Variants in UBAC2 observed in about 807,000 individuals in gnomAD.
UBAC2 encodes the protein ubiquitin-associated domain-containing protein 2.
In UBAC2, 26 loss-of-function variants were observed where a neutral mutation model predicts 44.0. The ratio of observed to expected loss-of-function variants is 0.59; its 90% confidence interval spans 0.43 to 0.82. UBAC2 has a LOEUF of 0.82. UBAC2 is among the 40% of genes least tolerant of loss of function. The probability of loss-of-function intolerance (pLI) is 0.00; values close to 1 mark genes in which losing one functional copy is unlikely to be tolerated. For missense variants in UBAC2, 329 were observed against 419.4 expected (o/e 0.78, Z 1.88); for synonymous variants, 155 against 154.3 (o/e 1.00, Z -0.04).
chr13:99,201,500 G>A (rs756114358), intron 1 of UBAC2: 1 of 1,614,222 alleles, frequency 6.2e-7, no homozygotes. Flanking sequence ...TTAGGAAGTC[G>A]TGGCGAGGGA....
intron 5 of UBAC2, among the ~76,000 whole-genome samples, 162 bp from the exon 6 acceptor site, chr13:99,317,860 G>A (rs1357695828): frequency 6.6e-6 from 1 of 152,014 alleles, no homozygotes; most frequent in South Asian, 2.1e-4. Context: ...TTTCTTTTAA[G>A]TAACAGTTGA....
chr13:99,382,814 C>A (rs1040082784), intron 8 of UBAC2, among the ~76,000 whole-genome samples: 1 of 152,088 alleles, frequency 6.6e-6, no homozygotes, highest in African/African-American at 2.4e-5. Flanking sequence ...CCCCAAGACC[C>A]ACCAGGGGAA....
intron 4 of UBAC2, among the ~76,000 whole-genome samples, chr13:99,282,446 A>C (rs2043966228): frequency 6.6e-6 from 1 of 152,108 alleles, no homozygotes; most frequent in Non-Finnish European, 1.5e-5. Context: ...ATCTGTTTTC[A>C]TTTCTGCTTT....
At chr13:99,315,776 A>C (rs954390531) in intron 5 of UBAC2, among the ~76,000 whole-genome samples, 1 of 152,006 alleles carries the variant, frequency 6.6e-6, no homozygotes, top group Admixed American at 6.6e-5. Context: ...AGCTACCACT[A>C]TTCATTTTTC....
intron 4 of UBAC2, among the ~76,000 whole-genome samples, chr13:99,282,377 T>C (rs1411737532): frequency 6.6e-6 from 1 of 152,204 alleles, no homozygotes; most frequent in African/African-American, 2.4e-5. Context: ...TTTCTAGTAG[T>C]TGACTGAAAT....
At chr13:99,348,733 G>A (rs2045031477) in intron 7 of UBAC2, among the ~76,000 whole-genome samples, 1 of 152,236 alleles carries the variant, frequency 6.6e-6, no homozygotes, top group Non-Finnish European at 1.5e-5. Flanking sequence ...ACGGTAGGCT[G>A]GCCACAGTGG....
chr13:99,287,073 T>C (rs1435184891), intron 4 of UBAC2, among the ~76,000 whole-genome samples: 7 of 152,204 alleles, frequency 4.6e-5, no homozygotes, highest in African/African-American at 1.7e-4. Context: ...ATGACTACCA[T>C]GTACCCATCA....
chr13:99,349,882 G>T (rs199681759), intron 7 of UBAC2, among the ~76,000 whole-genome samples: 1 of 150,366 alleles, frequency 6.7e-6, no homozygotes, highest in Non-Finnish European at 1.5e-5. Context: ...CCACAAGAAG[G>T]TGGTGGAGCA....
intron 1 of UBAC2, chr13:99,201,193 C>T: frequency 1.4e-6 from 2 of 1,420,232 alleles, no homozygotes; most frequent in Non-Finnish European, 9.2e-7. Context: ...AGGTGCTCTG[C>T]CCAGGAGTCT....
At chr13:99,348,667 A>G (rs1455574642) in intron 7 of UBAC2, among the ~76,000 whole-genome samples, 1 of 152,200 alleles carries the variant, frequency 6.6e-6, no homozygotes, top group Non-Finnish European at 1.5e-5. Flanking sequence ...AGTAAGTTAG[A>G]TTTATTTTTA....
chr13:99,330,201 C>A (rs2044695305), intron 6 of UBAC2, among the ~76,000 whole-genome samples: 1 of 151,960 alleles, frequency 6.6e-6, no homozygotes, highest in Non-Finnish European at 1.5e-5. Flanking sequence ...TGGCTCACAG[C>A]TGTAATCCCA....
chr13:99,342,111 G>A (rs189382114), intron 7 of UBAC2, among the ~76,000 whole-genome samples: 7 of 152,304 alleles, frequency 4.6e-5, no homozygotes, highest in African/African-American at 9.6e-5. Flanking sequence ...AGAGAACACC[G>A]TCAGCATCAG....
intron 4 of UBAC2, chr13:99,258,150 T>C (rs2043600405): frequency 6.6e-6 from 1 of 152,244 alleles, no homozygotes; most frequent in Non-Finnish European, 1.5e-5. Context: ...TAAATGCTGC[T>C]TACCTCCTGT....
At chr13:99,244,376 TACACACATATGCATGTGTGTATATAC>T in intron 3 of UBAC2, 113 bp from the exon 4 acceptor site, 1 of 561,680 alleles carries the variant, frequency 1.8e-6, no homozygotes, top group East Asian at 3.0e-5. Flanking sequence ...CAAATATATA[TACACACATATGCATGTGTGTATATAC>T]ACACACACAC....
intron 8 of UBAC2, among the ~76,000 whole-genome samples, chr13:99,374,743 C>G (rs2045457858): frequency 6.6e-6 from 1 of 152,200 alleles, no homozygotes; most frequent in Admixed American, 6.5e-5. Context: ...AGTAGCCAAG[C>G]ATGGCAGCAC....
At position 99,385,442 on chromosome 13, in the gene UBAC2, T is replaced by A; in HGVS notation, c.*107T>A. 1 of 905,248 alleles carries A rather than the reference T, an allele frequency of 1.1e-6. No individual in the cohort carries two copies. The highest frequency in any genetic ancestry group is 1.7e-6 in the Non-Finnish European group (1 of 572,272). 56.1% of individuals were successfully genotyped at this position (905,248 alleles called of 1,614,324 possible). A position where few individuals can be genotyped will look rare whatever the true frequency, so the allele number is the denominator to read the frequency against. On this transcript the variant is annotated 3_prime_UTR_variant, in exon 9 of 9. Transcript: ENST00000403766. The stretch of plus-strand genomic sequence containing the variant: ...AGCATCTCTGGTGCTGATGTTCTTG[T>A]GGGAAGAGGGAGGTTCCACCGCACC...
intron 4 of UBAC2, among the ~76,000 whole-genome samples, chr13:99,276,890 CCAGCAGGTGGGTAGAGTT>C (rs1431727556): frequency 6.6e-6 from 1 of 152,198 alleles, no homozygotes; most frequent in African/African-American, 2.4e-5. Context: ...CCACAGCCAG[CCAGCAGGTGGGTAGAGTT>C]CAGGGGGTGG....
intron 4 of UBAC2, among the ~76,000 whole-genome samples, chr13:99,284,206 A>G (rs9582290): frequency 0.17 from 26,405 of 152,240 alleles, 2,528 homozygotes; most frequent in Middle Eastern, 0.22. Context: ...AATAAGAAGT[A>G]CAAATAAACA....
intron 4 of UBAC2, among the ~76,000 whole-genome samples, chr13:99,271,477 A>G (rs2043815625): frequency 6.6e-6 from 1 of 152,104 alleles, no homozygotes; most frequent in Non-Finnish European, 1.5e-5. Context: ...CAGGGAGGTA[A>G]GAGTGGTCAC....
Sources: allele counts gnomAD v4.1 joint callset (sites outside exome capture counted in the v4.1 genomes callset), GRCh38; gene constraint gnomAD v4.1.1; transcripts MANE v1.5; gene names NCBI Gene and HGNC (gene_info 2026-07-23, HGNC 2026-07-21).